Variants in CKS2 observed in about 807,000 individuals in gnomAD.
CKS2 encodes cyclin-dependent kinases regulatory subunit 2.
Under a neutral mutation model 14.3 loss-of-function variants are expected in CKS2, and 4 were observed. That is an observed-to-expected ratio of 0.28 (90% CI 0.14 to 0.64). The LOEUF is 0.64. Among genes scored for constraint, CKS2 ranks in the 30% least tolerant of loss-of-function variants. The probability of loss-of-function intolerance (pLI) is 0.83; values close to 1 mark genes in which losing one functional copy is unlikely to be tolerated. For missense variants in CKS2, 71 were observed against 94.3 expected, an observed-to-expected ratio of 0.75 and a Z score of 1.02; for synonymous variants, 33 against 28.7, an observed-to-expected ratio of 1.15 and a Z score of -0.48.
Position 89,316,694 on chromosome 9 carries a change from G to A in CKS2, c.*269G>A, listed in dbSNP as rs1824727845. On this transcript the variant is annotated 3_prime_UTR_variant, in exon 3 of 3. Transcript: ENST00000314355. ...TACTTTTGTTCAATAAAGTTTGTAT[G>A]TTGCATTTATCACTGTTTCAAGTTT... The A allele has an allele frequency of 3.0e-6, 1 of 329,738 alleles. No individual in the cohort carries two copies. The highest frequency in any genetic ancestry group is 1.1e-4 in the South Asian group (1 of 8,974). The allele number at this position is 329,738 out of a possible 1,614,324, so 20.4% of individuals were successfully genotyped here. A position where few individuals can be genotyped will look rare whatever the true frequency, so the allele number is the denominator to read the frequency against.
intron 1 of CKS2, chr9:89,312,406 G>T (rs949356345): frequency 6.5e-6 from 1 of 154,272 alleles, no homozygotes; most frequent in African/African-American, 2.4e-5. Context: ...TGCGTTCTGG[G>T]ATACTACCAA....
chr9:89,315,212 A>G lies in CKS2; in HGVS notation c.102A>G (p.Lys34=), dbSNP rs111719677. 84 of 1,611,518 alleles carry G rather than the reference A, an allele frequency of 5.2e-5. No individual in the cohort carries two copies. The highest frequency in any genetic ancestry group is 5.3e-5 in the Non-Finnish European group (63 of 1,178,868). ...LPRELSKQVP[K]THLMSEEEWR... is the part of the protein sequence containing the mutation. ...GAGAACTTTCCAAACAAGTACCTAA[A>G]ACTCATCTGATGTCTGAAGAGGAGT... The change falls in exon 2 of 3, where the codon AAA becomes AAG. Residue 34 remains lysine, a synonymous_variant. Transcript: ENST00000314355.
chr9:89,311,442 G>C, intron 1 of CKS2, 91 bp downstream of exon 1: 18 of 792,620 alleles, frequency 2.3e-5, no homozygotes, highest in Admixed American at 4.0e-5. Context: ...GGGGGTGGGG[G>C]CCGGGGCCTG....
chr9:89,311,425 T>TA, intron 1 of CKS2, 74 bp downstream of exon 1: 1 of 790,384 alleles, frequency 1.3e-6, no homozygotes. Flanking sequence ...CCAGGCATAG[T>TA]AGGGTCGGGG....
At chr9:89,313,726 G>A in intron 1 of CKS2, among the ~76,000 whole-genome samples, 1 of 152,146 alleles carries the variant, frequency 6.6e-6, no homozygotes, top group African/African-American at 2.4e-5. Context: ...TTCTCTTTGA[G>A]AATAATCAAC....
Position 89,315,766 on chromosome 9 carries a change from A to G in CKS2, c.187+469A>G, listed in dbSNP as rs3211688. The stretch of plus-strand genomic sequence containing the variant: ...TGGGTACCTTATGCTATTATGTGGT[A>G]TTAACCAAAAGTTTTTCAGGTGTTA... On this transcript the variant is annotated intron_variant, in intron 2 of 2. Coordinates refer to ENST00000314355, the MANE Select transcript of CKS2 (RefSeq NM_001827.3). Among the ~76,000 whole-genome samples the G allele has an allele frequency of 2.9e-3, 438 of 152,312 alleles. 3 individuals carry two copies. The highest frequency in any genetic ancestry group is 9.8e-3 in the African/African-American group (406 of 41,590).
At chr9:89,314,755 C>T (rs1464655678) in intron 1 of CKS2, among the ~76,000 whole-genome samples, 5 of 152,158 alleles carry the variant, frequency 3.3e-5, no homozygotes, top group Non-Finnish European at 7.4e-5. Context: ...CTCTGGCTCC[C>T]TGATCATATT....
rs1295712745 is a variant in CKS2, at chr9:89,311,366, T to A, written c.59+15T>A. The A allele has an allele frequency of 6.3e-7, 1 of 1,595,072 alleles. No individual in the cohort carries two copies. The highest frequency in any genetic ancestry group is 8.5e-7 in the Non-Finnish European group (1 of 1,172,710). On this transcript the variant is annotated intron_variant, in intron 1 of 2. Coordinates refer to ENST00000314355, the MANE Select transcript of CKS2 (RefSeq NM_001827.3). ...TACGAGTACCGGTGGGCGCCTTTCT[T>A]AGACCCCGAGCCGGCTCCCTCAGCC...
At chr9:89,315,546 A>G (rs1824694084) in intron 2 of CKS2, among the ~76,000 whole-genome samples, 1 of 152,126 alleles carries the variant, frequency 6.6e-6, no homozygotes, top group African/African-American at 2.4e-5. Context: ...AAAAAAAAAA[A>G]AAAAAATGTA....
chr9:89,313,747 G>A (rs117095753), intron 1 of CKS2, among the ~76,000 whole-genome samples: 1,592 of 152,312 alleles, frequency 0.01, 15 homozygotes, highest in South Asian at 0.016. Context: ...AAGATAGAAC[G>A]TAGAAATAAG....
Position 89,315,178 on chromosome 9 carries a change from T to C in CKS2, c.68T>C (p.Met23Thr), listed in dbSNP as rs1158750902. Residue 23 changes from methionine (M) to threonine (T), a missense_variant, in exon 2 of 3, where the codon ATG becomes ACG. Met to Thr is a moderately conservative substitution (Grantham distance 81). Transcript: ENST00000314355. Reference sequence around the variant, plus strand: ...GCTGTATCTTGTAACAGGCATGTTATGTTACCCAGAGAACTTTCCAAACAA... The same window carrying C: ...GCTGTATCTTGTAACAGGCATGTTACGTTACCCAGAGAACTTTCCAAACAA... ...FDEHYEYRHV[M>T]LPRELSKQVP... The C allele has an allele frequency of 6.2e-7, 1 of 1,608,994 alleles. No individual in the cohort carries two copies. The highest frequency in any genetic ancestry group is 8.5e-7 in the Non-Finnish European group (1 of 1,178,044).
At chr9:89,312,995 A>G (rs942444880) in intron 1 of CKS2, among the ~76,000 whole-genome samples, 1 of 152,216 alleles carries the variant, frequency 6.6e-6, no homozygotes, top group Non-Finnish European at 1.5e-5. Flanking sequence ...ATATACTCAA[A>G]TGATTTGTGT....
intron 1 of CKS2, among the ~76,000 whole-genome samples, chr9:89,313,069 G>C (rs761040421): frequency 3.3e-5 from 5 of 152,190 alleles, no homozygotes; most frequent in Non-Finnish European, 5.9e-5. Flanking sequence ...ATAAAAATTA[G>C]AGCTGGTATT....
chr9:89,313,791 G>C (rs1308934735), intron 1 of CKS2, among the ~76,000 whole-genome samples: 3 of 152,236 alleles, frequency 2.0e-5, no homozygotes, highest in Non-Finnish European at 4.4e-5. Flanking sequence ...TGTTAAAGCA[G>C]CATTTCAAGA....
At chr9:89,315,108 A>G (rs1824683204) in intron 1 of CKS2, 62 bp from the exon 2 acceptor site, 2 of 1,457,482 alleles carry the variant, frequency 1.4e-6, no homozygotes, top group Non-Finnish European at 9.2e-7. Flanking sequence ...CTTAAGGTAC[A>G]TGTATAAAGC....
chr9:89,311,245 C>T lies in CKS2; in HGVS notation c.-48C>T, dbSNP rs780889397. On this transcript the variant is annotated 5_prime_UTR_variant, in exon 1 of 3. Transcript: ENST00000314355. ...GGGCTGGACGTGGTTTTGTCTGCTG[C>T]GCCCGCTCTTCGCGCTCTCGTTTCA... 7.1e-6 allele frequency: 11 copies of T among 1,547,406 alleles called. No homozygotes were observed. Among genetic ancestry groups the T allele is most frequent in the Admixed American group, 3.4e-5 (2 of 58,670 alleles).
intron 1 of CKS2, chr9:89,312,093 A>G (rs573639260): frequency 6.5e-6 from 1 of 153,014 alleles, no homozygotes; most frequent in South Asian, 2.1e-4. Context: ...GCCGATTAAG[A>G]ACTTGAGTGG....
chr9:89,315,288 C>T lies in CKS2; in HGVS notation c.178C>T (p.His60Tyr). ...TCTAGGCTGGGTTCATTACATGATTCATGAGCCAGGTAAGCTATGCTATGT... is the reference window on the plus strand; with the variant it reads ...TCTAGGCTGGGTTCATTACATGATTTATGAGCCAGGTAAGCTATGCTATGT... ...QSLGWVHYMI[H>Y]EPEPHILLFR... The change falls in exon 2 of 3, where the codon CAT becomes TAT. Residue 60 changes from histidine (H) to tyrosine (Y), a missense_variant. His to Tyr is a moderately conservative substitution (Grantham distance 83, BLOSUM62 2). Transcript: ENST00000314355. The T allele has an allele frequency of 1.3e-6, 2 of 1,596,100 alleles. No homozygotes were observed. The highest frequency in any genetic ancestry group is 1.7e-6 in the Non-Finnish European group (2 of 1,170,102).
chr9:89,311,613 C>T (rs887098525), intron 1 of CKS2, among the ~76,000 whole-genome samples: 3 of 152,278 alleles, frequency 2.0e-5, no homozygotes, highest in African/African-American at 7.2e-5. Context: ...CACCGGGCCG[C>T]ATTTAGTACC....
Sources: gnomAD v4.1 joint callset for allele counts (sites outside exome capture counted in the v4.1 genomes callset) on GRCh38, gnomAD v4.1.1 for gene constraint, MANE v1.5 for transcripts, NCBI Gene and HGNC (gene_info 2026-07-23, HGNC 2026-07-21) for gene names.